The following DNMBP variants were observed in gnomAD, a reference collection of about 807,000 sequenced individuals.
DNMBP encodes dynamin binding protein.
Under a neutral mutation model 150.0 loss-of-function variants are expected in DNMBP, and 87 were observed. That is an observed-to-expected ratio of 0.58 (90% CI 0.49 to 0.69). The LOEUF is 0.69. DNMBP is among the 30% of genes least tolerant of loss of function. The probability of loss-of-function intolerance (pLI) is 0.00; values close to 1 mark genes in which losing one functional copy is unlikely to be tolerated. For missense variants in DNMBP, 1,774 were observed against 1,949.0 expected (o/e 0.91, Z 1.69); for synonymous variants, 711 against 750.4 (o/e 0.95, Z 0.86).
Position 99,898,262 on chromosome 10 carries a change from A to G in DNMBP, c.2744T>C (p.Leu915Pro). The G allele has an allele frequency of 6.2e-7, 1 of 1,613,970 alleles. No individual in the cohort carries two copies. Among genetic ancestry groups the G allele is most frequent in the Non-Finnish European group, 8.5e-7 (1 of 1,179,854 alleles). The change falls in exon 9 of 17, where the codon CTG (leucine) becomes CCG (proline). Residue 915 changes from leucine (L) to proline (P), a missense_variant. Transcript: ENST00000324109. ...NEWGCTNYINLGSFLIKPVQR... is the reference protein window; with the variant it reads ...NEWGCTNYINPGSFLIKPVQR... ...TACTGGTTTGATGAGGAAGGAGCCC[A>G]GGTTAATATAATTTGTGCATCCCCT...
chr10:99,877,400 C>A, intron 16 of DNMBP, 64 bp from the exon 17 acceptor site: 3 of 1,399,366 alleles, frequency 2.1e-6, no homozygotes, highest in South Asian at 2.7e-5. Flanking sequence ...CAGCTTCGTG[C>A]GGTGTTGGGG....
chr10:99,909,003 C>T lies in DNMBP; in HGVS notation c.2404G>A (p.Asp802Asn). The T allele has an allele frequency of 1.2e-6, 2 of 1,614,186 alleles. No individual in the cohort carries two copies. Among genetic ancestry groups the T allele is most frequent in the Non-Finnish European group, 1.7e-6 (2 of 1,180,034 alleles). ...LLQTERDYIRDLEMCIERIMV... is the reference protein window; with the variant it reads ...LLQTERDYIRNLEMCIERIMV... Reference sequence around the variant, plus strand: ...ATCCGCTCAATACACATTTCCAGATCCCGAATGTAGTCTCTTTCTGTCTGA... The same window carrying T: ...ATCCGCTCAATACACATTTCCAGATTCCGAATGTAGTCTCTTTCTGTCTGA... Residue 802 changes from aspartate to asparagine, a missense_variant, in exon 5 of 17, where the codon GAT becomes AAT. This residue lies in a region of DNMBP where 1,430 missense variants were observed against 1,492.5 expected (regional missense o/e 0.96). Transcript: ENST00000324109.
intron 3 of DNMBP, among the ~76,000 whole-genome samples, chr10:99,967,215 A>T (rs2040628393): frequency 6.6e-6 from 1 of 152,134 alleles, no homozygotes; most frequent in African/African-American, 2.4e-5. Flanking sequence ...CCTGGGCAAC[A>T]ACGTGAGACC....
chr10:99,878,453 T>A (rs1443000945), intron 16 of DNMBP, among the ~76,000 whole-genome samples: 1 of 152,192 alleles, frequency 6.6e-6, no homozygotes, highest in Non-Finnish European at 1.5e-5. Flanking sequence ...CTTTGATGTG[T>A]CTATAATAAC....
In DNMBP at chr10:99,994,085, G is replaced by A. The variant is rs542495718; in HGVS notation, c.-11+15753C>T. On this transcript the variant is annotated intron_variant, in intron 1 of 16. Transcript: ENST00000324109. ...CATAAAAGAGCAAATTTAAAGAGAAGTCATATTTGCTACTGAATTGTATTA... is the reference window on the plus strand; with the variant it reads ...CATAAAAGAGCAAATTTAAAGAGAAATCATATTTGCTACTGAATTGTATTA... Among the ~76,000 whole-genome samples the A allele has an allele frequency of 3.3e-5, 5 of 152,272 alleles. No individual in the cohort carries two copies. The South Asian group carries it at 1.0e-3, about 32-fold the overall frequency.
intron 1 of DNMBP, among the ~76,000 whole-genome samples, chr10:99,995,159 C>T (rs181069123): frequency 1.3e-5 from 2 of 151,866 alleles, no homozygotes; most frequent in Admixed American, 1.3e-4. Context: ...CTCAAGCAAT[C>T]CTCCCATCTC....
At chr10:99,940,979 T>C (rs1026773270) in intron 4 of DNMBP, among the ~76,000 whole-genome samples, 4 of 151,760 alleles carry the variant, frequency 2.6e-5, no homozygotes, top group African/African-American at 4.8e-5. Context: ...CCACCTCCCA[T>C]GTTCAAGTGA....
chr10:99,888,530 C>T lies in DNMBP; in HGVS notation c.3285+295G>A, dbSNP rs935481511. On this transcript the variant is annotated intron_variant, in intron 12 of 16. Transcript: ENST00000324109. ...CTGGACCCTCTTCAAGTTATTATTC[C>T]TATAGTTGCTTTTATTTGATCAGAG... Among the ~76,000 whole-genome samples, 5 of 152,266 alleles carry T rather than the reference C, an allele frequency of 3.3e-5. 1 individual carries two copies. Among genetic ancestry groups the T allele is most frequent in the East Asian group, 1.9e-4 (1 of 5,186 alleles).
At chr10:99,918,844 C>A (rs143341706) in intron 4 of DNMBP, among the ~76,000 whole-genome samples, 104 of 152,236 alleles carry the variant, frequency 6.8e-4, no homozygotes, top group African/African-American at 2.4e-3. Context: ...TGAACACTCA[C>A]CAAATACACA....
At chr10:99,893,594 C>T (rs151054607) in intron 11 of DNMBP, among the ~76,000 whole-genome samples, 49 of 152,236 alleles carry the variant, frequency 3.2e-4, no homozygotes, top group Admixed American at 5.9e-4. Context: ...ATTAGCTGGG[C>T]GTGGTGGTGT....
chr10:99,908,057 A>G lies in DNMBP; in HGVS notation c.2492T>C (p.Met831Thr), dbSNP rs17854134. ...NIDFEGLFGN[M>T]QMVIKVSKQL... ...CTTCGAGACCTTAATCACCATCTGCATATTTCCAAAAAGTCCCTCAAAATC... is the reference window on the plus strand; with the variant it reads ...CTTCGAGACCTTAATCACCATCTGCGTATTTCCAAAAAGTCCCTCAAAATC... The change falls in exon 6 of 17, where the codon ATG (methionine) becomes ACG (threonine). Residue 831 changes from methionine to threonine, a missense_variant. By Grantham distance (81) the Met-to-Thr change is moderately conservative. Around this residue, in one of 2 missense-constraint regions of DNMBP, gnomAD observed 1,430 missense variants for 1,492.5 expected, o/e 0.96. Coordinates refer to ENST00000324109, the MANE Select transcript of DNMBP (RefSeq NM_015221.4). 0.028 allele frequency: 45,187 copies of G among 1,612,182 alleles called. 787 individuals carry two copies. Among genetic ancestry groups the G allele is most frequent in the Non-Finnish European group, 0.034 (39,500 of 1,178,290 alleles).
At position 99,935,825 on chromosome 10, in the gene DNMBP, G is replaced by A. The variant is rs567880637; in HGVS notation, c.2260+19389C>T. 1.4e-4 allele frequency among the ~76,000 whole-genome samples: 21 copies of A among 152,236 alleles called. No homozygotes were observed. The South Asian group carries it at 3.7e-3, about 27-fold the overall frequency. ...GTGATCCTGCGCACCTCGGCCTCCC[G>A]AAGTGCTGGGATTGCAGGCGTGAGC... On this transcript the variant is annotated intron_variant, in intron 4 of 16. Coordinates refer to ENST00000324109, the MANE Select transcript of DNMBP (RefSeq NM_015221.4).
At position 100,005,000 on chromosome 10, in the gene DNMBP, T is replaced by A. The variant is rs1214120039; in HGVS notation, c.-11+4838A>T. On this transcript the variant is annotated intron_variant, in intron 1 of 16. Transcript: ENST00000324109. ...CAATTTACAGAGGAAGCTATCTGTA[T>A]AAGAGATACTCAAAATCTCTAGTCA... 2.0e-5 allele frequency among the ~76,000 whole-genome samples: 3 copies of A among 152,312 alleles called. No homozygotes were observed. The South Asian group carries it at 6.2e-4, about 32-fold the overall frequency.
chr10:99,889,597 T>A (rs1564718005), intron 11 of DNMBP: 1 of 152,230 alleles, frequency 6.6e-6, no homozygotes, highest in Non-Finnish European at 1.5e-5. Context: ...AGTCAACTCC[T>A]CCTGACAGTG....
At chr10:99,911,908 C>T (rs1317769489) in intron 4 of DNMBP, among the ~76,000 whole-genome samples, 1 of 152,122 alleles carries the variant, frequency 6.6e-6, no homozygotes, top group Admixed American at 6.5e-5. Context: ...GACTTTCAAT[C>T]CCAAATATGG....
intron 4 of DNMBP, among the ~76,000 whole-genome samples, chr10:99,916,693 A>T (rs1352424673): frequency 2.0e-5 from 3 of 152,148 alleles, no homozygotes; most frequent in Non-Finnish European, 4.4e-5. Context: ...TATCTACTTT[A>T]AAAAAAATCA....
intron 1 of DNMBP, among the ~76,000 whole-genome samples, chr10:99,978,676 T>C (rs955093769): frequency 6.6e-6 from 1 of 152,118 alleles, no homozygotes; most frequent in Non-Finnish European, 1.5e-5. Context: ...CCTCCCAGAC[T>C]CAGGTGATCA....
At chr10:99,984,326 T>G (rs763136469) in intron 1 of DNMBP, among the ~76,000 whole-genome samples, 16 of 152,164 alleles carry the variant, frequency 1.1e-4, no homozygotes, top group Non-Finnish European at 1.8e-4. Context: ...TGAATCTCAA[T>G]TATGGGTGGA....
chr10:99,966,937 C>T (rs543985115), intron 3 of DNMBP, among the ~76,000 whole-genome samples: 11 of 151,994 alleles, frequency 7.2e-5, no homozygotes, highest in African/African-American at 2.7e-4. Flanking sequence ...CACTGGTATG[C>T]ACCACCATGC....
Sources: allele counts gnomAD v4.1 joint callset (sites outside exome capture counted in the v4.1 genomes callset), GRCh38; gene constraint gnomAD v4.1.1; regional missense constraint gnomAD v4.1.1; transcripts MANE v1.5; gene names NCBI Gene and HGNC (gene_info 2026-07-23, HGNC 2026-07-21).